Variants in SH3RF1 observed in about 807,000 individuals in gnomAD.
The protein encoded by SH3RF1 is E3 ubiquitin-protein ligase SH3RF1.
SH3RF1 carries 32 observed loss-of-function variants against 74.0 expected under a neutral mutation model. The ratio of observed to expected loss-of-function variants is 0.43; its 90% CI spans 0.33 to 0.58. The LOEUF (loss-of-function observed/expected upper bound fraction) is 0.58. SH3RF1 is among the 20% of genes least tolerant of loss of function. The pLI is 0.05. For synonymous variants in SH3RF1, 396 were observed against 439.6 expected (o/e 0.90, Z 1.24); for missense variants, 954 against 1,130.9 (o/e 0.84, Z 2.24).
chr4:169,256,060 GC>G (rs1375515881), intron 2 of SH3RF1, among the ~76,000 whole-genome samples: 1 of 152,162 alleles, frequency 6.6e-6, no homozygotes, highest in Non-Finnish European at 1.5e-5. Context: ...GAGCCACCAT[GC>G]CTGGGCTCCT....
intron 2 of SH3RF1, among the ~76,000 whole-genome samples, chr4:169,192,640 C>G (rs1288859795): frequency 6.6e-6 from 1 of 151,972 alleles, no homozygotes; most frequent in Admixed American, 6.6e-5. Context: ...TACTGGGTAT[C>G]TACCCAAAGG....
chr4:169,244,724 G>T (rs1349492220), intron 2 of SH3RF1, among the ~76,000 whole-genome samples: 1 of 152,184 alleles, frequency 6.6e-6, no homozygotes, highest in African/African-American at 2.4e-5. Context: ...AATTGCGCAT[G>T]TGTTACCAAA....
chr4:169,104,363 C>T (rs1733095530), intron 11 of SH3RF1, among the ~76,000 whole-genome samples: 1 of 152,120 alleles, frequency 6.6e-6, no homozygotes. Flanking sequence ...ACTCCAGGGA[C>T]AGAAGGTGCT....
chr4:169,172,500 G>C (rs1734347478), intron 2 of SH3RF1, among the ~76,000 whole-genome samples: 1 of 152,134 alleles, frequency 6.6e-6, no homozygotes, highest in Non-Finnish European at 1.5e-5. Context: ...AAGGATTAGG[G>C]CATTTTCAGT....
intron 2 of SH3RF1, chr4:169,217,490 A>G (rs1189447786): frequency 6.6e-6 from 1 of 152,364 alleles, no homozygotes; most frequent in Non-Finnish European, 1.5e-5. Context: ...GTCAGTTGGC[A>G]AAAGGGCCCA....
intron 10 of SH3RF1, among the ~76,000 whole-genome samples, chr4:169,113,910 T>C (rs939305212): frequency 6.6e-6 from 1 of 152,092 alleles, no homozygotes; most frequent in Non-Finnish European, 1.5e-5. Flanking sequence ...CAGGGCACCA[T>C]GTAGAAAGGA....
intron 6 of SH3RF1, among the ~76,000 whole-genome samples, chr4:169,125,325 A>G (rs1370135019): frequency 1.3e-5 from 2 of 152,174 alleles, no homozygotes; most frequent in Non-Finnish European, 2.9e-5. Flanking sequence ...ATTTCAGAAC[A>G]CTGGCAGGTG....
In SH3RF1 at chr4:169,109,200, C is replaced by A. The variant is rs1051887742; in HGVS notation, c.2140-1995G>T. On this transcript the variant is annotated intron_variant, in intron 10 of 11. Coordinates refer to ENST00000284637, the MANE Select transcript of SH3RF1 (RefSeq NM_020870.4). The stretch of plus-strand genomic sequence containing the variant: ...AAGAAAGCACACACTAGTCCACGGA[C>A]CCCCAAAGGTCCAGTGAGAACATCA... Among the ~76,000 whole-genome samples, 6 of 152,194 alleles carry A rather than the reference C, an allele frequency of 3.9e-5. 1 individual carries two copies. Among genetic ancestry groups the A allele is most frequent in the Admixed American group, 3.9e-4 (6 of 15,284 alleles).
intron 4 of SH3RF1, among the ~76,000 whole-genome samples, chr4:169,138,346 A>G (rs939691269): frequency 6.6e-6 from 1 of 152,220 alleles, no homozygotes; most frequent in African/African-American, 2.4e-5. Context: ...GAAACAAAGC[A>G]GATTGAAAAG....
chr4:169,190,400 A>G (rs1418585075), intron 2 of SH3RF1, among the ~76,000 whole-genome samples: 1 of 152,182 alleles, frequency 6.6e-6, no homozygotes, highest in African/African-American at 2.4e-5. Flanking sequence ...ATTACAACTG[A>G]CAACACAGAA....
At chr4:169,247,087 T>C (rs751580383) in intron 2 of SH3RF1, among the ~76,000 whole-genome samples, 1 of 152,216 alleles carries the variant, frequency 6.6e-6, no homozygotes, top group Non-Finnish European at 1.5e-5. Flanking sequence ...AAGGGGCTAT[T>C]TAGCAGAGTA....
intron 2 of SH3RF1, among the ~76,000 whole-genome samples, chr4:169,217,848 A>G (rs1483492449): frequency 6.6e-6 from 1 of 152,152 alleles, no homozygotes; most frequent in African/African-American, 2.4e-5. Flanking sequence ...TCTTATGCAC[A>G]TTTTACCAAA....
intron 2 of SH3RF1, among the ~76,000 whole-genome samples, chr4:169,215,453 G>A (rs1387364624): frequency 6.6e-6 from 1 of 152,090 alleles, no homozygotes; most frequent in Non-Finnish European, 1.5e-5. Flanking sequence ...GTTAATGCTG[G>A]CCTCATACAG....
chr4:169,100,768 G>A (rs1733008331), intron 11 of SH3RF1, among the ~76,000 whole-genome samples: 1 of 152,182 alleles, frequency 6.6e-6, no homozygotes, highest in African/African-American at 2.4e-5. Flanking sequence ...TGGTGATCAG[G>A]CCCTAATCTC....
intron 10 of SH3RF1, among the ~76,000 whole-genome samples, chr4:169,111,935 C>T (rs1170316570): frequency 6.6e-6 from 1 of 152,184 alleles, no homozygotes; most frequent in Non-Finnish European, 1.5e-5. Context: ...AGACTTTGCA[C>T]AACAGGACTT....
chr4:169,099,993 C>T (rs1483719670), intron 11 of SH3RF1, among the ~76,000 whole-genome samples: 1 of 152,158 alleles, frequency 6.6e-6, no homozygotes, highest in East Asian at 1.9e-4. Context: ...AGGTGGTTTG[C>T]AGTTTTCTAA....
intron 4 of SH3RF1, among the ~76,000 whole-genome samples, chr4:169,149,578 C>T (rs1561037432): frequency 6.6e-6 from 1 of 152,162 alleles, no homozygotes. Flanking sequence ...TCAACAATGT[C>T]TTTAAATTTC....
intron 2 of SH3RF1, among the ~76,000 whole-genome samples, chr4:169,240,646 A>G (rs1481924801): frequency 2.0e-5 from 3 of 152,226 alleles, no homozygotes; most frequent in Non-Finnish European, 4.4e-5. Flanking sequence ...ATATGTATAC[A>G]TTGTGAAATT....
chr4:169,121,002 A>G lies in SH3RF1; in HGVS notation c.1347-13T>C, dbSNP rs373748260. 17 of 1,605,098 alleles carry G rather than the reference A, an allele frequency of 1.1e-5. No homozygotes were observed. The highest frequency in any genetic ancestry group is 2.7e-5 in the African/African-American group (2 of 74,734). ...TATAGCAACATACCTAGAATAGAAA[A>G]TAATATTTGATTTCAGGTTGAGTAA... On this transcript the variant is annotated splice_polypyrimidine_tract_variant and intron_variant, in intron 7 of 11. Transcript: ENST00000284637.
Sources: gnomAD v4.1 joint callset for allele counts (sites outside exome capture counted in the v4.1 genomes callset) on GRCh38, gnomAD v4.1.1 for gene constraint, MANE v1.5 for transcripts, NCBI Gene and HGNC (gene_info 2026-07-23, HGNC 2026-07-21) for gene names.